Variants in FER1L6 observed in about 807,000 individuals in gnomAD.
The protein encoded by FER1L6 is fer-1 like family member 6.
Under a neutral mutation model 219.2 loss-of-function variants are expected in FER1L6, and 177 were observed. The observed-to-expected ratio is 0.81, with a 90% CI of 0.71 to 0.91. The LOEUF (loss-of-function observed/expected upper bound fraction) is 0.91. Among genes scored for constraint, FER1L6 ranks in the 40% least tolerant of loss-of-function variants. The pLI is 0.00. For synonymous variants in FER1L6, 768 were observed against 824.3 expected, an observed-to-expected ratio of 0.93 and a Z score of 1.17; for missense variants, 2,153 against 2,259.9, an observed-to-expected ratio of 0.95 and a Z score of 0.96.
intron 1 of FER1L6, among the ~76,000 whole-genome samples, chr8:123,877,355 G>A (rs544652059): frequency 4.6e-5 from 7 of 152,082 alleles, no homozygotes; most frequent in African/African-American, 1.4e-4. Flanking sequence ...TTCCAAAATC[G>A]CAAAATAATT....
rs529743802 is a variant in FER1L6 at position 123,941,997 on chromosome 8, C to T, written c.-7-13995C>T. Among the ~76,000 whole-genome samples the T allele has an allele frequency of 3.9e-5, 6 of 152,242 alleles. No homozygotes were observed. The East Asian group carries it at 5.8e-4, about 15-fold the overall frequency. On this transcript the variant is annotated intron_variant, in intron 1 of 40. Transcript: ENST00000522917. Reference sequence around the variant, plus strand: ...CATCTTTGATTCCGAGTGGAATCAACTCTATCATGATGGAAAATTGAGGGA... The same window carrying T: ...CATCTTTGATTCCGAGTGGAATCAATTCTATCATGATGGAAAATTGAGGGA...
intron 13 of FER1L6, among the ~76,000 whole-genome samples, chr8:124,005,261 T>G (rs1186417670): frequency 1.3e-5 from 2 of 152,200 alleles, no homozygotes; most frequent in Non-Finnish European, 2.9e-5. Flanking sequence ...CATCACTCAT[T>G]GACTCCCTGT....
chr8:124,039,605 G>A (rs1280715826), intron 19 of FER1L6, among the ~76,000 whole-genome samples: 1 of 152,170 alleles, frequency 6.6e-6, no homozygotes, highest in Non-Finnish European at 1.5e-5. Context: ...CTATGAAGTG[G>A]AGAGCATGCT....
In FER1L6 at chr8:123,880,954, T is replaced by C. The variant is rs140881986; in HGVS notation, c.-8+28769T>C. Among the ~76,000 whole-genome samples the C allele has an allele frequency of 5.2e-4, 79 of 152,324 alleles. No homozygotes were observed. The East Asian group carries it at 0.014, about 28-fold the overall frequency. On this transcript the variant is annotated intron_variant, in intron 1 of 40. Coordinates refer to ENST00000522917, the MANE Select transcript of FER1L6 (RefSeq NM_001039112.2). ...GCCTTTTACTTGATGCAGTGCAAGC[T>C]GAGCTTTATTGCACGTCACCTGCAG...
chr8:124,018,434 C>A (rs917233081), intron 16 of FER1L6, among the ~76,000 whole-genome samples: 14 of 152,156 alleles, frequency 9.2e-5, no homozygotes, highest in African/African-American at 3.1e-4. Context: ...AAACTAAAAC[C>A]CAGGTCTCCT....
In FER1L6 at chr8:124,103,284, C is replaced by T. The variant is rs373274431; in HGVS notation, c.5264C>T (p.Pro1755Leu). ...FQQKRVRGWW[P>L]FSKSKELTGK... ...CAAAAACGTGTGCGTGGCTGGTGGCCTTTTTCTAAAAGCAAAGAACTCACA... is the reference window on the plus strand; with the variant it reads ...CAAAAACGTGTGCGTGGCTGGTGGCTTTTTTCTAAAAGCAAAGAACTCACA... The change falls in exon 39 of 41, where the codon CCT (proline) becomes CTT (leucine). Residue 1755 changes from proline (P) to leucine (L), a missense_variant. Pro to Leu is a moderately conservative substitution (Grantham distance 98). Coordinates refer to ENST00000522917, the MANE Select transcript of FER1L6 (RefSeq NM_001039112.2). The T allele has an allele frequency of 9.9e-6, 16 of 1,613,722 alleles. No individual in the cohort carries two copies. Among genetic ancestry groups the T allele is most frequent in the Non-Finnish European group, 1.4e-5 (16 of 1,179,942 alleles).
At chr8:124,084,836 A>G (rs1175872990) in intron 33 of FER1L6, among the ~76,000 whole-genome samples, 1 of 152,048 alleles carries the variant, frequency 6.6e-6, no homozygotes, top group East Asian at 1.9e-4. Flanking sequence ...GATTGGTATT[A>G]GTTCTTCTTT....
Position 123,879,032 on chromosome 8 carries a change from G to A in FER1L6, c.-8+26847G>A, listed in dbSNP as rs887946584. 2.6e-5 allele frequency among the ~76,000 whole-genome samples: 4 copies of A among 152,270 alleles called. 1 individual carries two copies. Among genetic ancestry groups the A allele is most frequent in the Middle Eastern group, 6.8e-3 (2 of 294 alleles). ...ATTAAACTTTCCCTTTGATGTAACCGCAAGGATCAAGGAAGGGAGAAAGAA... is the reference window on the plus strand; with the variant it reads ...ATTAAACTTTCCCTTTGATGTAACCACAAGGATCAAGGAAGGGAGAAAGAA... On this transcript the variant is annotated intron_variant, in intron 1 of 40. Coordinates refer to ENST00000522917, the MANE Select transcript of FER1L6 (RefSeq NM_001039112.2).
intron 10 of FER1L6, among the ~76,000 whole-genome samples, 180 bp from the exon 11 acceptor site, chr8:123,980,285 T>G (rs1191423161): frequency 6.6e-6 from 1 of 152,210 alleles, no homozygotes; most frequent in Admixed American, 6.5e-5. Context: ...AGTGTAAACA[T>G]GAATGCAAAA....
intron 20 of FER1L6, 151 bp downstream of exon 20, chr8:124,040,157 A>G (rs1819419867): frequency 3.9e-6 from 4 of 1,031,006 alleles, no homozygotes; most frequent in South Asian, 1.5e-5. Flanking sequence ...ATATGTGCCC[A>G]GAAGGACTGG....
chr8:123,872,372 C>A (rs1036439176), intron 1 of FER1L6, among the ~76,000 whole-genome samples: 1 of 152,122 alleles, frequency 6.6e-6, no homozygotes, highest in African/African-American at 2.4e-5. Context: ...GGAACTTCTA[C>A]AACACACCTG....
At position 124,045,895 on chromosome 8, in the gene FER1L6, C is replaced by A. The variant is rs532200482; in HGVS notation, c.2718C>A (p.Asp906Glu). 1.9e-6 allele frequency: 3 copies of A among 1,613,832 alleles called. No homozygotes were observed. The highest frequency in any genetic ancestry group is 2.5e-6 in the Non-Finnish European group (3 of 1,179,966). ...PLVVVELYDS[D>E]AVGKPEYLGA... ...TGGTGGTGGAGCTGTATGACAGCGACGCTGTGGTGAGTGTCCCCCTGGGCC... is the reference window on the plus strand; with the variant it reads ...TGGTGGTGGAGCTGTATGACAGCGAAGCTGTGGTGAGTGTCCCCCTGGGCC... The change falls in exon 21 of 41, where the codon GAC becomes GAA. Residue 906 changes from aspartate to glutamate, a missense_variant. By Grantham distance (45) the Asp-to-Glu change is conservative (BLOSUM62 2). Coordinates refer to ENST00000522917, the MANE Select transcript of FER1L6 (RefSeq NM_001039112.2).
In FER1L6 at chr8:124,079,596, G is replaced by A. The variant is rs571334972; in HGVS notation, c.4221-2692G>A. Among the ~76,000 whole-genome samples, 69 of 152,254 alleles carry A rather than the reference G, an allele frequency of 4.5e-4. 1 individual carries two copies. Among genetic ancestry groups the A allele is most frequent in the Middle Eastern group, 3.4e-3 (1 of 294 alleles). ...ATGTTTTTTTCTTTCCAATCAGGTC[G>A]TCATTTTGGTGGCACACTATGTGCC... On this transcript the variant is annotated intron_variant, in intron 32 of 40. Coordinates refer to ENST00000522917, the MANE Select transcript of FER1L6 (RefSeq NM_001039112.2).
rs1340152587 is a variant in FER1L6, at chr8:123,853,237, C to T, written c.-8+1052C>T. Among the ~76,000 whole-genome samples, 16 of 152,148 alleles carry T rather than the reference C, an allele frequency of 1.1e-4. No homozygotes were observed. The East Asian group carries it at 1.3e-3, about 13-fold the overall frequency. The stretch of plus-strand genomic sequence containing the variant: ...TGGTACAATCTTGGCTCACTGCAGC[C>T]GCCACCTCCCAGGTTCAAGTGAGTC... On this transcript the variant is annotated intron_variant, in intron 1 of 40. Coordinates refer to ENST00000522917, the MANE Select transcript of FER1L6 (RefSeq NM_001039112.2). This position sits in a 1 kb window ranked among gnomAD's most constrained non-coding sequence, Gnocchi z 6.6.
intron 1 of FER1L6, among the ~76,000 whole-genome samples, chr8:123,914,153 A>G (rs1457880398): frequency 6.6e-6 from 1 of 152,220 alleles, no homozygotes; most frequent in Admixed American, 6.5e-5. Flanking sequence ...AGTCACATAG[A>G]TTGGTGGCTA....
chr8:123,986,171 C>T lies in FER1L6; in HGVS notation c.1514C>T (p.Ser505Phe). ...IGDKPISFEV[S>F]IGNFGNLIDG... is the part of the protein sequence containing the mutation. The stretch of plus-strand genomic sequence containing the variant: ...GATAAACCCATCAGCTTTGAAGTTT[C>T]TATTGGTAAGTACAGATAAGCACAG... The change falls in exon 12 of 41, where the codon TCT becomes TTT. Residue 505 changes from serine to phenylalanine, a missense_variant. Physicochemically the swap from Ser to Phe is radical, Grantham distance 155. Coordinates refer to ENST00000522917, the MANE Select transcript of FER1L6 (RefSeq NM_001039112.2). The T allele has an allele frequency of 3.8e-6, 6 of 1,594,788 alleles. No homozygotes were observed. The highest frequency in any genetic ancestry group is 5.2e-6 in the Non-Finnish European group (6 of 1,162,464).
At chr8:123,993,562 G>A (rs1816971158) in intron 12 of FER1L6, among the ~76,000 whole-genome samples, 1 of 152,096 alleles carries the variant, frequency 6.6e-6, no homozygotes, top group South Asian at 2.1e-4. Context: ...GCCCAGCACT[G>A]CAGCTGAGCC....
intron 26 of FER1L6, 36 bp downstream of exon 26, chr8:124,064,609 C>T (rs1019932818): frequency 3.2e-6 from 5 of 1,585,592 alleles, no homozygotes; most frequent in African/African-American, 2.7e-5. Flanking sequence ...TTACAAGGCT[C>T]ATTGGAGTTT....
chr8:123,890,541 ATTTAT>A (rs1563674891), intron 1 of FER1L6, among the ~76,000 whole-genome samples: 8 of 150,160 alleles, frequency 5.3e-5, no homozygotes, highest in Non-Finnish European at 1.0e-4. Flanking sequence ...ACAAGTTATC[ATTTAT>A]TTTGTTTATT....
Sources: allele counts gnomAD v4.1 joint callset (sites outside exome capture counted in the v4.1 genomes callset), GRCh38; gene constraint gnomAD v4.1.1; non-coding constraint Gnocchi (gnomAD v3.1); transcripts MANE v1.5; gene names NCBI Gene and HGNC (gene_info 2026-07-23, HGNC 2026-07-21).